SAP130: variants seen among roughly 807,000 people sequenced by gnomAD.
The protein encoded by SAP130 is histone deacetylase complex subunit SAP130.
Under a neutral mutation model 103.2 loss-of-function variants are expected in SAP130, and 16 were observed. The ratio of observed to expected loss-of-function variants is 0.16; its 90% CI spans 0.10 to 0.24. The LOEUF is 0.24. SAP130 is among the 10% of genes least tolerant of loss of function. The probability of loss-of-function intolerance (pLI) is 1.00; values close to 1 mark genes in which losing one functional copy is unlikely to be tolerated. For synonymous variants in SAP130, 477 were observed against 497.0 expected, an observed-to-expected ratio of 0.96 and a Z score of 0.53; for missense variants, 990 against 1,359.7, an observed-to-expected ratio of 0.73 and a Z score of 4.28.
chr2:127,996,783 G>C lies in SAP130; in HGVS notation c.1214-292C>G, dbSNP rs944448365. Among the ~76,000 whole-genome samples, 2 of 152,056 alleles carry C rather than the reference G, an allele frequency of 1.3e-5. No individual in the cohort carries two copies. Among genetic ancestry groups the C allele is most frequent in the Non-Finnish European group, 2.9e-5 (2 of 68,006 alleles). On this transcript the variant is annotated intron_variant, in intron 10 of 20. Transcript: ENST00000643581. The surrounding 1 kb of genome is among the most constrained non-coding windows in gnomAD (Gnocchi z 4.3). ...CTGGCTTTTTAATGACAGATGCGGT[G>C]GCTCACATCTGTCATCTCAGCACTG...
chr2:127,986,906 T>C lies in SAP130; in HGVS notation c.1837A>G (p.Ser613Gly), dbSNP rs72841716. 16,865 of 1,614,114 alleles carry C rather than the reference T, an allele frequency of 0.01. 123 individuals carry two copies. The highest frequency in any genetic ancestry group is 0.013 in the Non-Finnish European group (15,124 of 1,179,938). ...IVANPISNPFSAAPAATTVVQ... is the reference protein window; with the variant it reads ...IVANPISNPFGAAPAATTVVQ... The stretch of plus-strand genomic sequence containing the variant: ...ACGGTTGTTGCTGCTGGAGCAGCAC[T>C]GAATGGATTGCTAATAGGGTTGGCC... Residue 613 changes from serine (S) to glycine (G), a missense_variant, in exon 14 of 21, where the codon AGT (serine) becomes GGT (glycine). Physicochemically the swap from Ser to Gly is moderately conservative, Grantham distance 56. This residue lies in a region of SAP130 where 349 missense variants were observed against 384.1 expected (regional missense o/e 0.91). Coordinates refer to ENST00000643581, the MANE Select transcript of SAP130 (RefSeq NM_001330301.2). This position sits in a 1 kb window ranked among gnomAD's most constrained non-coding sequence, Gnocchi z 4.7.
chr2:128,014,899 G>A lies in SAP130; in HGVS notation c.523C>T (p.Leu175=), dbSNP rs1264186281. Reference sequence around the variant, plus strand: ...ACATTTGTAGTCATGATGTGATGCAGGTTACTGGGATGGCCCTGAAAGAAA... The same window carrying A: ...ACATTTGTAGTCATGATGTGATGCAAGTTACTGGGATGGCCCTGAAAGAAA... ...ISGQQGHPSN[L]HHIMTTNVQM... The change falls in exon 5 of 21, where the codon CTG becomes TTG. Residue 175 remains leucine, a synonymous_variant. Transcript: ENST00000643581. 6.2e-7 allele frequency: 1 copy of A among 1,613,776 alleles called. No individual in the cohort carries two copies. The highest frequency in any genetic ancestry group is 1.3e-5 in the African/African-American group (1 of 74,910).
intron 15 of SAP130, among the ~76,000 whole-genome samples, chr2:127,969,292 A>C (rs1434871281): frequency 6.6e-6 from 1 of 152,198 alleles, no homozygotes; most frequent in Non-Finnish European, 1.5e-5. Flanking sequence ...GTTTTTACCC[A>C]GGATTATAGT....
Position 127,954,999 on chromosome 2 carries a change from C to T in SAP130, c.2409G>A (p.Met803Ile), listed in dbSNP as rs928568656. Reference protein sequence around the residue: ...VKEEVEPMDIMRPVSAVPPLA... With the variant: ...VKEEVEPMDIIRPVSAVPPLA... The stretch of plus-strand genomic sequence containing the variant: ...GGACGGACTTACCAGAAACTGGCCT[C>T]ATGATATCCATTGGTTCTACTTCTT... The change falls in exon 16 of 21, where the codon ATG becomes ATA. Residue 803 changes from methionine (M) to isoleucine (I), a missense_variant. Met to Ile is a conservative substitution (Grantham distance 10). Transcript: ENST00000643581. 6.2e-7 allele frequency: 1 copy of T among 1,608,874 alleles called. No homozygotes were observed. Among genetic ancestry groups the T allele is most frequent in the Non-Finnish European group, 8.5e-7 (1 of 1,176,850 alleles).
intron 6 of SAP130, among the ~76,000 whole-genome samples, chr2:128,012,578 C>T (rs181188048): frequency 6.6e-6 from 1 of 151,996 alleles, no homozygotes; most frequent in Non-Finnish European, 1.5e-5. Context: ...ATATTTCCTG[C>T]AAATATATTA....
chr2:128,023,963 T>C (rs969470637), intron 2 of SAP130, among the ~76,000 whole-genome samples: 1 of 151,698 alleles, frequency 6.6e-6, no homozygotes, highest in African/African-American at 2.4e-5. Flanking sequence ...AACATCTAAG[T>C]TGAAACTTGA....
chr2:127,990,244 C>T lies in SAP130; in HGVS notation c.1478-378G>A, dbSNP rs1261826334. Among the ~76,000 whole-genome samples, 5 of 152,054 alleles carry T rather than the reference C, an allele frequency of 3.3e-5. No individual in the cohort carries two copies. The East Asian group carries it at 7.7e-4, about 23-fold the overall frequency. ...GCTTTAATTGATAGGGCCACTATCACAGGTGGTTTTGAAATACAGTAGTTA... is the reference window on the plus strand; with the variant it reads ...GCTTTAATTGATAGGGCCACTATCATAGGTGGTTTTGAAATACAGTAGTTA... On this transcript the variant is annotated intron_variant, in intron 12 of 20. Transcript: ENST00000643581.
chr2:127,988,276 T>C (rs1682538635), intron 13 of SAP130, among the ~76,000 whole-genome samples: 1 of 150,482 alleles, frequency 6.6e-6, no homozygotes, highest in African/African-American at 2.4e-5. Context: ...CAAAAATAAT[T>C]ACCCAGGTGT....
intron 11 of SAP130, among the ~76,000 whole-genome samples, chr2:127,995,081 C>T (rs1683079064): frequency 6.6e-6 from 1 of 152,122 alleles, no homozygotes; most frequent in African/African-American, 2.4e-5. Flanking sequence ...GAGGCAGATA[C>T]AAACATGGAA....
At chr2:127,990,841 TGA>T (rs1480264421) in intron 12 of SAP130, among the ~76,000 whole-genome samples, 1 of 149,694 alleles carries the variant, frequency 6.7e-6, no homozygotes, top group Non-Finnish European at 1.5e-5. Context: ...CTCAGGAGGC[TGA>T]GATGGGAGGA....
At chr2:127,972,062 T>C (rs561049927) in intron 15 of SAP130, among the ~76,000 whole-genome samples, 107 of 152,200 alleles carry the variant, frequency 7.0e-4, no homozygotes, top group Non-Finnish European at 1.3e-3. Flanking sequence ...ACAATCCAAA[T>C]GCTCTCTTCT....
In SAP130 at chr2:127,954,982, T is replaced by C; in HGVS notation, c.2422+4A>G. On this transcript the variant is annotated splice_donor_region_variant and intron_variant, in intron 16 of 20. Transcript: ENST00000643581. ...AATGGAGAGTATTCTATGGACGGAC[T>C]TACCAGAAACTGGCCTCATGATATC... 4 of 1,592,006 alleles carry C rather than the reference T, an allele frequency of 2.5e-6. No individual in the cohort carries two copies. The highest frequency in any genetic ancestry group is 3.4e-6 in the Non-Finnish European group (4 of 1,165,294).
chr2:127,942,350 A>G lies in SAP130; in HGVS notation c.3015+74T>C. 1 of 1,172,504 alleles carries G rather than the reference A, an allele frequency of 8.5e-7. No homozygotes were observed. 72.6% of individuals were successfully genotyped at this position (1,172,504 alleles called of 1,614,324 possible). A position where few individuals can be genotyped will look rare whatever the true frequency, so the allele number is the denominator to read the frequency against. On this transcript the variant is annotated intron_variant, in intron 20 of 20. Transcript: ENST00000643581. The surrounding 1 kb of genome is among the most constrained non-coding windows in gnomAD (Gnocchi z 4.8). ...TGAAGATATGAGGGAGACGGGGGGA[A>G]ACGGGAGAAGTAGGGCTTTACAGAA...
chr2:127,990,713 T>C (rs1682729307), intron 12 of SAP130, among the ~76,000 whole-genome samples: 1 of 152,074 alleles, frequency 6.6e-6, no homozygotes, highest in East Asian at 1.9e-4. Context: ...GACTGAGGTA[T>C]GAGGAATGCT....
chr2:127,951,366 C>T (rs1475560342), intron 16 of SAP130, among the ~76,000 whole-genome samples: 1 of 152,180 alleles, frequency 6.6e-6, no homozygotes, highest in Non-Finnish European at 1.5e-5. Flanking sequence ...CTGCTGCCCA[C>T]TCCCAACAGT....
chr2:127,966,561 G>C (rs1012005576), intron 15 of SAP130, among the ~76,000 whole-genome samples: 6 of 151,784 alleles, frequency 4.0e-5, no homozygotes, highest in African/African-American at 1.5e-4. Context: ...AAATTAGCCG[G>C]ATGTGGTGGC....
In SAP130 at chr2:127,950,175, G is replaced by C; in HGVS notation, c.2656C>G (p.Pro886Ala). ...LVKAEKRKSP[P>A]KEYIDEEGVR... ...TGACCATTACCAATATACTCCTTGG[G>C]AGGAGACTTGCGCTTCTCAGCCTTC... is the stretch of plus-strand genomic sequence containing the variant. Residue 886 changes from proline to alanine, a missense_variant, in exon 17 of 21, where the codon CCC becomes GCC. Physicochemically the swap from Pro to Ala is conservative, Grantham distance 27 (BLOSUM62 -1). Around this residue, in one of 6 missense-constraint regions of SAP130, gnomAD observed 61 missense variants for 73.8 expected, o/e 0.83. Coordinates refer to ENST00000643581, the MANE Select transcript of SAP130 (RefSeq NM_001330301.2). 6.2e-7 allele frequency: 1 copy of C among 1,614,184 alleles called. No homozygotes were observed. Among genetic ancestry groups the C allele is most frequent in the Non-Finnish European group, 8.5e-7 (1 of 1,180,036 alleles).
intron 15 of SAP130, among the ~76,000 whole-genome samples, chr2:127,976,160 T>C (rs1681449112): frequency 6.6e-6 from 1 of 152,196 alleles, no homozygotes; most frequent in South Asian, 2.1e-4. Context: ...ATTTTTATGT[T>C]ACTGCACTAA....
intron 15 of SAP130, among the ~76,000 whole-genome samples, chr2:127,957,905 A>G (rs1046960750): frequency 1.1e-4 from 16 of 152,178 alleles, no homozygotes; most frequent in African/African-American, 3.9e-4. Flanking sequence ...TTTCCCCAAA[A>G]AAAGGAGGAG....
Sources: allele counts gnomAD v4.1 joint callset (sites outside exome capture counted in the v4.1 genomes callset), GRCh38; gene constraint gnomAD v4.1.1; regional missense constraint gnomAD v4.1.1; non-coding constraint Gnocchi (gnomAD v3.1); transcripts MANE v1.5; gene names NCBI Gene and HGNC (gene_info 2026-07-23, HGNC 2026-07-21).